The following FER1L6 variants were observed in gnomAD, a reference collection of about 807,000 sequenced individuals.
The protein encoded by FER1L6 is fer-1 like family member 6.
Under a neutral mutation model 219.2 loss-of-function variants are expected in FER1L6, and 177 were observed. The ratio of observed to expected loss-of-function variants is 0.81; its 90% CI spans 0.71 to 0.91. The LOEUF is 0.91. Ranked by LOEUF, FER1L6 falls within the 40% of genes least tolerant of loss-of-function variation. The pLI is 0.00. For synonymous variants in FER1L6, 768 were observed against 824.3 expected (o/e 0.93, Z 1.17); for missense variants, 2,153 against 2,259.9 (o/e 0.95, Z 0.96).
Position 124,060,546 on chromosome 8 carries a change from A to C in FER1L6, c.2986-2A>C. The C allele has an allele frequency of 1.9e-6, 3 of 1,613,512 alleles. No individual in the cohort carries two copies. Among genetic ancestry groups the C allele is most frequent in the Non-Finnish European group, 2.5e-6 (3 of 1,179,728 alleles). On this transcript the variant is annotated splice_acceptor_variant, in intron 23 of 40. Transcript: ENST00000522917. LOFTEE classifies it high-confidence loss of function. ...TGATGGCTCTGCTGGTCTTTTCCTCAGGTTCTCTTCTGGGGAGTTCGGGAA... is the reference window on the plus strand; with the variant it reads ...TGATGGCTCTGCTGGTCTTTTCCTCCGGTTCTCTTCTGGGGAGTTCGGGAA...
intron 1 of FER1L6, among the ~76,000 whole-genome samples, chr8:123,872,767 C>T (rs561811206): frequency 3.3e-5 from 5 of 152,324 alleles, no homozygotes; most frequent in African/African-American, 9.6e-5. Flanking sequence ...TGGTTCCCTA[C>T]ATCTACTGGG....
chr8:123,936,618 T>C (rs564708400), intron 1 of FER1L6, among the ~76,000 whole-genome samples: 96 of 152,272 alleles, frequency 6.3e-4, no homozygotes, highest in Non-Finnish European at 1.1e-3. Context: ...AAAGCAGATA[T>C]GTAGCATTCA....
intron 32 of FER1L6, among the ~76,000 whole-genome samples, chr8:124,078,486 A>G (rs892008116): frequency 6.6e-6 from 1 of 152,120 alleles, no homozygotes; most frequent in Non-Finnish European, 1.5e-5. Context: ...TCACCATGAC[A>G]TGCCTTTTCT....
intron 1 of FER1L6, among the ~76,000 whole-genome samples, chr8:123,894,484 C>G (rs1812713130): frequency 1.3e-5 from 2 of 152,108 alleles, no homozygotes; most frequent in Non-Finnish European, 2.9e-5. Context: ...CAATATGAAA[C>G]TATAGTGAGA....
chr8:124,069,685 G>T (rs1820985087), intron 29 of FER1L6, among the ~76,000 whole-genome samples: 1 of 152,154 alleles, frequency 6.6e-6, no homozygotes, highest in Admixed American at 6.5e-5. Context: ...ATTGAGAAGG[G>T]GTGTAACTTA....
At position 124,069,379 on chromosome 8, in the gene FER1L6, A is replaced by G; in HGVS notation, c.3738A>G (p.Val1246=). The change falls in exon 29 of 41, where the codon GTA becomes GTG. Residue 1246 remains valine (V), a synonymous_variant. Coordinates refer to ENST00000522917, the MANE Select transcript of FER1L6 (RefSeq NM_001039112.2). ...KGNTEAKPDE[V]VVDIEDGPKK... ...CCACAGAGGCAAAGCCAGATGAGGT[A>G]GTGGTAGATATAGAAGATGGGCCAA... 6.2e-7 allele frequency: 1 copy of G among 1,612,156 alleles called. No homozygotes were observed. The highest frequency in any genetic ancestry group is 1.3e-5 in the African/African-American group (1 of 74,930).
At chr8:123,932,630 G>A (rs1586481226) in intron 1 of FER1L6, among the ~76,000 whole-genome samples, 1 of 152,272 alleles carries the variant, frequency 6.6e-6, no homozygotes, top group African/African-American at 2.4e-5. Flanking sequence ...ATGGTGGGGG[G>A]AGGACTGGGC....
At chr8:123,994,092 G>A (rs1180240169) in intron 12 of FER1L6, among the ~76,000 whole-genome samples, 1 of 152,164 alleles carries the variant, frequency 6.6e-6, no homozygotes, top group Non-Finnish European at 1.5e-5. Flanking sequence ...AGACTGTGTC[G>A]GTTGGCCTCC....
At chr8:124,086,447 CA>C (rs202042174) in intron 33 of FER1L6, among the ~76,000 whole-genome samples, 7,132 of 138,734 alleles carry the variant, frequency 0.051, 484 homozygotes, top group African/African-American at 0.16. Context: ...CATAAACAAA[CA>C]AAAAAAAAAA....
intron 15 of FER1L6, among the ~76,000 whole-genome samples, chr8:124,015,627 G>T (rs1818168795): frequency 1.1e-5 from 1 of 93,972 alleles, no homozygotes; most frequent in South Asian, 3.4e-4. Flanking sequence ...TACTCCTGCT[G>T]TGAGCTGTTT....
intron 1 of FER1L6, among the ~76,000 whole-genome samples, chr8:123,898,780 C>CTATATATACACATATATAT (rs1812802514): frequency 5.1e-5 from 5 of 98,310 alleles, no homozygotes; most frequent in Non-Finnish European, 1.1e-4. Context: ...TGTATATATA[C>CTATATATACACATATATAT]GTATGTACAT....
intron 1 of FER1L6, among the ~76,000 whole-genome samples, chr8:123,899,964 G>T (rs181119704): frequency 1.4e-4 from 21 of 152,214 alleles, no homozygotes; most frequent in Admixed American, 1.2e-3. Flanking sequence ...GTTTAGTCTT[G>T]CTTTGGCTAT....
chr8:124,054,186 T>G, intron 22 of FER1L6, among the ~76,000 whole-genome samples: 1 of 152,308 alleles, frequency 6.6e-6, no homozygotes, highest in East Asian at 1.9e-4. Flanking sequence ...TCCTGTTCAC[T>G]CCATCCTCCA....
intron 1 of FER1L6, among the ~76,000 whole-genome samples, chr8:123,865,561 C>T (rs1259449841): frequency 6.6e-6 from 1 of 151,466 alleles, no homozygotes; most frequent in Admixed American, 6.6e-5. Flanking sequence ...TGGGCAATGG[C>T]GGGCGCCCCT....
intron 1 of FER1L6, among the ~76,000 whole-genome samples, chr8:123,898,740 A>G (rs1034539140): frequency 1.4e-5 from 2 of 141,316 alleles, no homozygotes; most frequent in African/African-American, 2.6e-5. Context: ...TAGTATATAT[A>G]CATATATACT....
At chr8:124,007,304 C>T (rs754218411) in intron 13 of FER1L6, among the ~76,000 whole-genome samples, 7 of 152,066 alleles carry the variant, frequency 4.6e-5, no homozygotes, top group Non-Finnish European at 7.4e-5. Flanking sequence ...CTCCCTCTCC[C>T]CCCCCTACCT....
intron 19 of FER1L6, among the ~76,000 whole-genome samples, chr8:124,036,508 G>A (rs1026000931): frequency 1.3e-5 from 2 of 152,150 alleles, no homozygotes; most frequent in Non-Finnish European, 2.9e-5. Context: ...TAGCAAAGAT[G>A]CTTAAAAATT....
chr8:124,104,619 C>G (rs1822687540), intron 39 of FER1L6, among the ~76,000 whole-genome samples: 1 of 152,192 alleles, frequency 6.6e-6, no homozygotes, highest in African/African-American at 2.4e-5. Flanking sequence ...ATCAAAATTC[C>G]TGAGCACAGT....
intron 27 of FER1L6, 65 bp downstream of exon 27, chr8:124,066,615 C>A (rs2130852316): frequency 1.3e-6 from 2 of 1,568,902 alleles, no homozygotes; most frequent in East Asian, 2.3e-5. Context: ...CTTCTCCTAC[C>A]CTAAGTCCTA....
Sources: allele counts gnomAD v4.1 joint callset (sites outside exome capture counted in the v4.1 genomes callset), GRCh38; gene constraint gnomAD v4.1.1; transcripts MANE v1.5; gene names NCBI Gene and HGNC (gene_info 2026-07-23, HGNC 2026-07-21).